TRMT9B: variants seen among roughly 807,000 people sequenced by gnomAD.
TRMT9B encodes the protein tRNA methyltransferase 9B (putative).
A neutral mutation model predicts 11.5 loss-of-function variants in TRMT9B; 16 were observed. The ratio of observed to expected loss-of-function variants is 1.39; its 90% CI spans 0.94 to 2.11. TRMT9B has a LOEUF of 2.11. Ranked by LOEUF, TRMT9B falls within the 30% of genes most tolerant of loss-of-function variation. The probability of loss-of-function intolerance (pLI) is 0.00; values close to 1 mark genes in which losing one functional copy is unlikely to be tolerated. For synonymous variants in TRMT9B, 274 were observed against 192.4 expected, an observed-to-expected ratio of 1.42 and a Z score of -3.51; for missense variants, 941 against 553.8, an observed-to-expected ratio of 1.70 and a Z score of -7.02.
chr8:13,021,273 CTGT>C lies in TRMT9B; in HGVS notation c.596_598del (p.Cys199del). 1 of 1,613,994 alleles carries C rather than the reference CTGT, an allele frequency of 6.2e-7. No individual in the cohort carries two copies. The highest frequency in any genetic ancestry group is 2.2e-5 in the East Asian group (1 of 44,880). On this transcript the variant is annotated inframe_deletion, in exon 5 of 5. Transcript: ENST00000524591. ...ACCATCCTCCTTGCTCTGAGTGTAG[CTGT>C]TCTGTTTGTTTTAAAGAGCAGTGTG... is the stretch of plus-strand genomic sequence containing the variant.
chr8:12,974,159 G>A (rs1804062899), intron 1 of TRMT9B, among the ~76,000 whole-genome samples: 1 of 151,248 alleles, frequency 6.6e-6, no homozygotes, highest in Non-Finnish European at 1.5e-5. Flanking sequence ...TGACAAGCAA[G>A]ACCCTGTCCC....
At chr8:12,952,129 G>A (rs1226699540) in intron 1 of TRMT9B, 1 of 445,566 alleles carries the variant, frequency 2.2e-6, no homozygotes, top group African/African-American at 2.0e-5. Flanking sequence ...TTTGCCCCTG[G>A]CTGCGGGACA....
At chr8:13,015,331 C>T (rs1430624792) in intron 4 of TRMT9B, among the ~76,000 whole-genome samples, 2 of 151,858 alleles carry the variant, frequency 1.3e-5, no homozygotes, top group African/African-American at 2.4e-5. Context: ...CATGTCTCGC[C>T]TCCCTAACCT....
intron 1 of TRMT9B, among the ~76,000 whole-genome samples, chr8:12,948,064 C>A (rs6993143): frequency 6.6e-6 from 1 of 152,072 alleles, no homozygotes; most frequent in South Asian, 2.1e-4. Context: ...CCTTGACTTA[C>A]GATGGGGGTT....
rs185702572 is a variant in TRMT9B at position 13,028,417 on chromosome 8, T to A, written c.*6373T>A. On this transcript the variant is annotated 3_prime_UTR_variant, in exon 5 of 5. Coordinates refer to ENST00000524591, the MANE Select transcript of TRMT9B (RefSeq NM_020844.3). ...ACATTTTCTCCACATGGAATATTGA[T>A]TTTTCTATGAATATTACCTCCACAT... 6.0e-6 allele frequency: 1 copy of A among 167,132 alleles called. No individual in the cohort carries two copies. Among genetic ancestry groups the A allele is most frequent in the African/African-American group, 2.4e-5 (1 of 41,548 alleles). The allele number at this position is 167,132 out of a possible 1,614,324, so 10.4% of individuals were successfully genotyped here.
rs372718214 is a variant in TRMT9B at position 12,965,099 on chromosome 8, G to T, written c.-200+19133G>T. On this transcript the variant is annotated intron_variant, in intron 1 of 4. Coordinates refer to ENST00000524591, the MANE Select transcript of TRMT9B (RefSeq NM_020844.3). ...GTCAAACACATTCTTATAGAATACA[G>T]TGCAAGCTGCCTGCAAATGAGGCCA... Among the ~76,000 whole-genome samples the T allele has an allele frequency of 4.6e-5, 7 of 152,336 alleles. No individual in the cohort carries two copies. In the South Asian group the frequency reaches 1.4e-3, roughly 32 times the overall value.
intron 2 of TRMT9B, among the ~76,000 whole-genome samples, chr8:12,995,851 G>T (rs546995478): frequency 6.6e-6 from 1 of 152,106 alleles, no homozygotes; most frequent in Non-Finnish European, 1.5e-5. Context: ...AAAAAGCTCA[G>T]CAGATTTTTC....
intron 4 of TRMT9B, among the ~76,000 whole-genome samples, chr8:13,017,703 T>C (rs1293190798): frequency 4.1e-5 from 6 of 147,924 alleles, no homozygotes; most frequent in African/African-American, 1.5e-4. Flanking sequence ...AACCTCTGCC[T>C]CCTGGGCTCT....
chr8:13,002,284 A>C (rs1809585688), intron 2 of TRMT9B, among the ~76,000 whole-genome samples: 1 of 152,192 alleles, frequency 6.6e-6, no homozygotes. Context: ...TCCAAGTGCA[A>C]CAAAGAAAAA....
In TRMT9B at chr8:13,026,139, C is replaced by T. The variant is rs79591617; in HGVS notation, c.*4095C>T. 1.2e-5 allele frequency: 2 copies of T among 167,008 alleles called. No homozygotes were observed. Among genetic ancestry groups the T allele is most frequent in the African/African-American group, 4.8e-5 (2 of 41,414 alleles). 10.3% of individuals were successfully genotyped at this position (167,008 alleles called of 1,614,324 possible). ...TTTGGAGGAAGGAGGAAATGGGAACCAACCACCAGACAAGCAGCTGCAGTC... is the reference window on the plus strand; with the variant it reads ...TTTGGAGGAAGGAGGAAATGGGAACTAACCACCAGACAAGCAGCTGCAGTC... On this transcript the variant is annotated 3_prime_UTR_variant, in exon 5 of 5. Coordinates refer to ENST00000524591, the MANE Select transcript of TRMT9B (RefSeq NM_020844.3).
chr8:12,982,403 T>G (rs1188227175), intron 1 of TRMT9B, among the ~76,000 whole-genome samples: 1 of 152,216 alleles, frequency 6.6e-6, no homozygotes, highest in African/African-American at 2.4e-5. Context: ...GGCTTATGCC[T>G]GTAATCCCAG....
chr8:12,975,999 G>T (rs1344167734), intron 1 of TRMT9B, among the ~76,000 whole-genome samples: 2 of 152,204 alleles, frequency 1.3e-5, no homozygotes, highest in African/African-American at 4.8e-5. Flanking sequence ...ACAAGCAACA[G>T]AAACTGACTC....
At position 13,023,111 on chromosome 8, in the gene TRMT9B, G is replaced by A. The variant is rs1227669350; in HGVS notation, c.*1067G>A. On this transcript the variant is annotated 3_prime_UTR_variant, in exon 5 of 5. Coordinates refer to ENST00000524591, the MANE Select transcript of TRMT9B (RefSeq NM_020844.3). ...TCTTATTAGAAGCATGAATATTCAA[G>A]ATTGATATTACTATTGCTTATTAGC... The A allele has an allele frequency of 6.0e-6, 1 of 167,066 alleles. No individual in the cohort carries two copies. The highest frequency in any genetic ancestry group is 1.5e-5 in the Non-Finnish European group (1 of 68,122). The allele number at this position is 167,066 out of a possible 1,614,324, so 10.3% of individuals were successfully genotyped here.
chr8:13,018,402 A>AAG (rs1813193439), intron 4 of TRMT9B, among the ~76,000 whole-genome samples: 1 of 148,276 alleles, frequency 6.7e-6, no homozygotes, highest in Non-Finnish European at 1.5e-5. Context: ...GTCTCAAAAA[A>AAG]AAAAAAACGA....
chr8:12,957,235 G>A (rs1245544902), intron 1 of TRMT9B, among the ~76,000 whole-genome samples: 1 of 152,180 alleles, frequency 6.6e-6, no homozygotes, highest in East Asian at 1.9e-4. Flanking sequence ...GCAAGAAGTA[G>A]CAACTGTCTG....
At chr8:12,977,666 A>C (rs185112429) in intron 1 of TRMT9B, among the ~76,000 whole-genome samples, 1 of 152,154 alleles carries the variant, frequency 6.6e-6, no homozygotes, top group Admixed American at 6.5e-5. Flanking sequence ...ACGCAACTGC[A>C]TTCCAGCCTT....
At chr8:13,013,989 T>G (rs1812153237) in intron 4 of TRMT9B, among the ~76,000 whole-genome samples, 1 of 152,138 alleles carries the variant, frequency 6.6e-6, no homozygotes, top group Non-Finnish European at 1.5e-5. Flanking sequence ...TTAATAAGTT[T>G]TATCCAAGAA....
chr8:12,974,857 A>G (rs1031900637), intron 1 of TRMT9B, among the ~76,000 whole-genome samples: 2 of 152,122 alleles, frequency 1.3e-5, no homozygotes, highest in African/African-American at 4.8e-5. Context: ...TGAGGTTGAC[A>G]GGTGTTTTAT....
At chr8:13,009,625 T>C (rs1290801853) in intron 3 of TRMT9B, among the ~76,000 whole-genome samples, 1 of 152,152 alleles carries the variant, frequency 6.6e-6, no homozygotes, top group African/African-American at 2.4e-5. Context: ...GTAATTTCCC[T>C]TTTTTGGTTA....
Sources: allele counts gnomAD v4.1 joint callset (sites outside exome capture counted in the v4.1 genomes callset), GRCh38; gene constraint gnomAD v4.1.1; transcripts MANE v1.5; gene names NCBI Gene and HGNC (gene_info 2026-07-23, HGNC 2026-07-21).